TEX2: variants seen among roughly 807,000 people sequenced by gnomAD.
TEX2 encodes the protein testis-expressed protein 2.
In TEX2, 53 loss-of-function variants were observed where a neutral mutation model predicts 106.9. The ratio of observed to expected loss-of-function variants is 0.50; its 90% CI spans 0.40 to 0.62. The LOEUF is 0.62. TEX2 is among the 20% of genes least tolerant of loss of function. TEX2 has a pLI of 0.00. For synonymous variants in TEX2, 523 were observed against 534.8 expected (o/e 0.98, Z 0.30); for missense variants, 1,207 against 1,379.0 (o/e 0.88, Z 1.98).
chr17:64,191,516 A>G (rs1168150353), intron 4 of TEX2, among the ~76,000 whole-genome samples: 3 of 152,192 alleles, frequency 2.0e-5, no homozygotes, highest in African/African-American at 2.4e-5. Flanking sequence ...TAGTAGTCAC[A>G]TTTAAAAATG....
Position 64,148,423 on chromosome 17 carries a change from A to G in TEX2, c.*546T>C, listed in dbSNP as rs1350104935. On this transcript the variant is annotated 3_prime_UTR_variant, in exon 12 of 12. Coordinates refer to ENST00000584379, the MANE Select transcript of TEX2 (RefSeq NM_001288732.2). ...TGGCTACTTGCTTCCCAAATGCACA[A>G]TTTAATGTGGAAAATAAGTTGCTCT... The G allele has an allele frequency of 6.5e-6, 1 of 153,610 alleles. No individual in the cohort carries two copies. The highest frequency in any genetic ancestry group is 2.4e-5 in the African/African-American group (1 of 41,444). The allele number at this position is 153,610 out of a possible 1,614,324, so 9.5% of individuals were successfully genotyped here.
intron 5 of TEX2, among the ~76,000 whole-genome samples, chr17:64,186,571 C>G (rs1035112087): frequency 2.6e-5 from 4 of 152,276 alleles, no homozygotes; most frequent in African/African-American, 7.2e-5. Flanking sequence ...AATCTCAGCA[C>G]TTTGGGAGGC....
At chr17:64,177,754 G>C (rs2031673133) in intron 5 of TEX2, among the ~76,000 whole-genome samples, 1 of 152,160 alleles carries the variant, frequency 6.6e-6, no homozygotes. Context: ...TAGCCAAACT[G>C]CTCTGCGTCC....
intron 4 of TEX2, among the ~76,000 whole-genome samples, chr17:64,190,341 GA>G (rs1366080224): frequency 6.6e-6 from 1 of 151,912 alleles, no homozygotes; most frequent in Non-Finnish European, 1.5e-5. Context: ...GACATTAGTA[GA>G]AAAACCAGTG....
At chr17:64,254,484 T>C (rs918357249) in intron 1 of TEX2, among the ~76,000 whole-genome samples, 8 of 152,212 alleles carry the variant, frequency 5.3e-5, no homozygotes, top group African/African-American at 1.9e-4. Context: ...CGGTTTCAGC[T>C]TAATTAAAAT....
chr17:64,185,611 A>G lies in TEX2; in HGVS notation c.2424+2557T>C, dbSNP rs2032043777. The stretch of plus-strand genomic sequence containing the variant: ...GTCTGGGCGACAGAGTGAGACTCCA[A>G]CTAAAAAAAGAAAAAAAAAATTTCA... On this transcript the variant is annotated intron_variant, in intron 5 of 11. Coordinates refer to ENST00000584379, the MANE Select transcript of TEX2 (RefSeq NM_001288732.2). The surrounding 1 kb of genome is among the most constrained non-coding windows in gnomAD (Gnocchi z 4.0). 6.6e-6 allele frequency among the ~76,000 whole-genome samples: 1 copy of G among 152,056 alleles called. No homozygotes were observed. Among genetic ancestry groups the G allele is most frequent in the African/African-American group, 2.4e-5 (1 of 41,398 alleles).
In TEX2 at chr17:64,153,997, G is replaced by A. The variant is rs2030489660; in HGVS notation, c.2931-843C>T. The stretch of plus-strand genomic sequence containing the variant: ...ACGTGCTCACAGGCCAAGAAAATAA[G>A]CTGTTGTATCAGGTCACATGTACCA... On this transcript the variant is annotated intron_variant, in intron 9 of 11. Coordinates refer to ENST00000584379, the MANE Select transcript of TEX2 (RefSeq NM_001288732.2). This position sits in a 1 kb window ranked among gnomAD's most constrained non-coding sequence, Gnocchi z 4.1. Among the ~76,000 whole-genome samples, 1 of 152,166 alleles carries A rather than the reference G, an allele frequency of 6.6e-6. No individual in the cohort carries two copies. Among genetic ancestry groups the A allele is most frequent in the African/African-American group, 2.4e-5 (1 of 41,432 alleles).
intron 1 of TEX2, among the ~76,000 whole-genome samples, chr17:64,245,500 T>G (rs1204820247): frequency 6.6e-6 from 1 of 152,160 alleles, no homozygotes; most frequent in Non-Finnish European, 1.5e-5. Context: ...ATGTGAACGC[T>G]CATCTAGAGA....
intron 1 of TEX2, among the ~76,000 whole-genome samples, chr17:64,236,444 A>C (rs2033770097): frequency 6.6e-6 from 1 of 152,204 alleles, no homozygotes; most frequent in South Asian, 2.1e-4. Context: ...TCACGCCTGT[A>C]GTCCCAGCTA....
At chr17:64,218,474 A>G (rs995793561) in intron 1 of TEX2, among the ~76,000 whole-genome samples, 48 of 140,604 alleles carry the variant, frequency 3.4e-4, no homozygotes, top group Non-Finnish European at 4.0e-4. Context: ...CCTGGAGTGC[A>G]GTGGCACAAT....
intron 8 of TEX2, among the ~76,000 whole-genome samples, chr17:64,159,812 A>G (rs949237819): frequency 2.0e-5 from 3 of 152,210 alleles, no homozygotes; most frequent in African/African-American, 7.2e-5. Flanking sequence ...AAATTCTCCA[A>G]TTATTAAAAT....
chr17:64,160,149 G>A (rs1474682930), intron 8 of TEX2, among the ~76,000 whole-genome samples: 1 of 152,140 alleles, frequency 6.6e-6, no homozygotes, highest in Non-Finnish European at 1.5e-5. Context: ...TAATTTTAAG[G>A]AGAATAGGAT....
At chr17:64,253,189 G>C (rs2034123223) in intron 1 of TEX2, among the ~76,000 whole-genome samples, 1 of 152,116 alleles carries the variant, frequency 6.6e-6, no homozygotes, top group Admixed American at 6.5e-5. Flanking sequence ...ACCCAGGCTG[G>C]ATGCAGTGGT....
intron 6 of TEX2, among the ~76,000 whole-genome samples, chr17:64,172,580 C>G (rs1433183340): frequency 1.3e-5 from 2 of 152,210 alleles, no homozygotes; most frequent in Middle Eastern, 3.4e-3. Flanking sequence ...CCCCCATCTA[C>G]TGAAGGCCAC....
intron 1 of TEX2, among the ~76,000 whole-genome samples, chr17:64,244,855 C>A (rs1567966727): frequency 6.6e-6 from 1 of 152,226 alleles, no homozygotes; most frequent in East Asian, 1.9e-4. Flanking sequence ...CTCTACTCCC[C>A]CCAACCCTGG....
chr17:64,180,001 TC>T (rs2031789580), intron 5 of TEX2, among the ~76,000 whole-genome samples: 1 of 152,188 alleles, frequency 6.6e-6, no homozygotes, highest in Non-Finnish European at 1.5e-5. Flanking sequence ...TTTTTTTGAA[TC>T]CCTTTTTTCT....
chr17:64,228,928 GTACACACACA>G (rs782114489), intron 1 of TEX2, among the ~76,000 whole-genome samples: 1 of 77,452 alleles, frequency 1.3e-5, no homozygotes, highest in Non-Finnish European at 2.6e-5. Flanking sequence ...GGACTGACAG[GTACACACACA>G]CACACACACA....
Position 64,217,390 on chromosome 17 carries a change from T to C in TEX2, c.-25-3148A>G, listed in dbSNP as rs932444977. Among the ~76,000 whole-genome samples, 1 of 152,180 alleles carries C rather than the reference T, an allele frequency of 6.6e-6. No homozygotes were observed. The highest frequency in any genetic ancestry group is 1.5e-5 in the Non-Finnish European group (1 of 68,032). On this transcript the variant is annotated intron_variant, in intron 1 of 11. Coordinates refer to ENST00000584379, the MANE Select transcript of TEX2 (RefSeq NM_001288732.2). This position sits in a 1 kb window ranked among gnomAD's most constrained non-coding sequence, Gnocchi z 4.3. ...ACACCCAGGAAGACTACATGGTTTG[T>C]CCAAGGGCACAGCACTGACAACATG...
Position 64,210,634 on chromosome 17 carries a change from C to CTTTTTT in TEX2, c.1644+1934_1644+1939dup, listed in dbSNP as rs58313195. Among the ~76,000 whole-genome samples the CTTTTTT allele has an allele frequency of 8.7e-4, 65 of 74,758 alleles. 3 individuals carry two copies. Among genetic ancestry groups the CTTTTTT allele is most frequent in the African/African-American group, 3.5e-3 (60 of 17,326 alleles). 49.0% of individuals were successfully genotyped at this position (74,758 alleles called of 152,430 possible). On this transcript the variant is annotated intron_variant, in intron 2 of 11. Transcript: ENST00000584379. ...TAAAAGAATTCTCCCCAACCCCCAGCTTTTTTTTTTTTTTTTTTTTTTTTT... is the reference window on the plus strand; with the variant it reads ...TAAAAGAATTCTCCCCAACCCCCAGCTTTTTTTTTTTTTTTTTTTTTTTTTTTTTTT...
Sources: allele counts gnomAD v4.1 joint callset (sites outside exome capture counted in the v4.1 genomes callset), GRCh38; gene constraint gnomAD v4.1.1; non-coding constraint Gnocchi (gnomAD v3.1); transcripts MANE v1.5; gene names NCBI Gene and HGNC (gene_info 2026-07-23, HGNC 2026-07-21).